ADPRS: variants seen among roughly 807,000 people sequenced by gnomAD.
The protein encoded by ADPRS is ADP-ribosylserine hydrolase.
Under a neutral mutation model 32.1 loss-of-function variants are expected in ADPRS, and 25 were observed. The ratio of observed to expected loss-of-function variants is 0.78; its 90% CI spans 0.57 to 1.09. ADPRS has a LOEUF of 1.09. ADPRS is among the 50% of genes least tolerant of loss of function. The pLI is 0.00. For synonymous variants in ADPRS, 225 were observed against 201.0 expected (o/e 1.12, Z -1.01); for missense variants, 482 against 480.6 (o/e 1.00, Z -0.03).
In ADPRS at chr1:36,091,891, CAGGTCT is replaced by C. The variant is rs1643489147; in HGVS notation, c.517-18_517-13del. The C allele has an allele frequency of 1.3e-6, 2 of 1,592,462 alleles. No homozygotes were observed. The highest frequency in any genetic ancestry group is 1.7e-6 in the Non-Finnish European group (2 of 1,165,690). ...TTCTGCAGCAGGGCTTCTGTGACAGCAGGTCTCCTCCTCCCTAGTTTGCCCGGCTCT... is the reference window on the plus strand; with the variant it reads ...TTCTGCAGCAGGGCTTCTGTGACAGCCCTCCTCCCTAGTTTGCCCGGCTCT... On this transcript the variant is annotated splice_polypyrimidine_tract_variant and intron_variant, in intron 3 of 5. Coordinates refer to ENST00000373178, the MANE Select transcript of ADPRS (RefSeq NM_017825.3).
Position 36,093,420 on chromosome 1 carries a change from C to A in ADPRS, c.*34C>A. The A allele has an allele frequency of 6.3e-7, 1 of 1,587,666 alleles. No homozygotes were observed. The highest frequency in any genetic ancestry group is 1.1e-5 in the South Asian group (1 of 87,988). On this transcript the variant is annotated 3_prime_UTR_variant, in exon 6 of 6. Transcript: ENST00000373178. ...ACAGCTGTTGGGGCTCTGCCAGGTC[C>A]CCTGGGACCAACTACAGCTCCAATC...
chr1:36,089,294 T>C (rs1260210189), intron 1 of ADPRS, among the ~76,000 whole-genome samples, 179 bp downstream of exon 1: 1 of 152,150 alleles, frequency 6.6e-6, no homozygotes, highest in Non-Finnish European at 1.5e-5. Context: ...TCTCCGGCCT[T>C]ATAGACGTCT....
At chr1:36,091,417 G>A (rs1643481895) in intron 2 of ADPRS, 77 bp downstream of exon 2, 2 of 1,437,660 alleles carry the variant, frequency 1.4e-6, no homozygotes, top group Non-Finnish European at 1.9e-6. Context: ...AATGACATTT[G>A]TGCATGTCCA....
chr1:36,091,575 G>A, intron 2 of ADPRS, 43 bp from the exon 3 acceptor site: 1 of 1,522,914 alleles, frequency 6.6e-7, no homozygotes, highest in Non-Finnish European at 8.9e-7. Context: ...ACCCTTAGAG[G>A]CATCTTGTAA....
chr1:36,093,069 C>T (rs1438953847), intron 5 of ADPRS, 28 bp from the exon 6 acceptor site: 2 of 1,601,214 alleles, frequency 1.2e-6, no homozygotes, highest in Non-Finnish European at 1.7e-6. Flanking sequence ...GGGAAGCATG[C>T]AGCCCCTCTA....
Position 36,093,463 on chromosome 1 carries a change from T to C in ADPRS, c.*77T>C. ...CTCCAATCAGAAACCCTGCGCTTCC[T>C]TGAGTGTGGCTTCCCACTTTTCCTG... On this transcript the variant is annotated 3_prime_UTR_variant, in exon 6 of 6. Coordinates refer to ENST00000373178, the MANE Select transcript of ADPRS (RefSeq NM_017825.3). The C allele has an allele frequency of 6.5e-7, 1 of 1,531,568 alleles. No homozygotes were observed. Among genetic ancestry groups the C allele is most frequent in the South Asian group, 1.3e-5 (1 of 79,074 alleles). The allele number at this position is 1,531,568 out of a possible 1,614,324, so 94.9% of individuals were successfully genotyped here.
rs1258035307 is a variant in ADPRS at position 36,091,231 on chromosome 1, C to T, written c.212-13C>T. On this transcript the variant is annotated splice_polypyrimidine_tract_variant and intron_variant, in intron 1 of 5. Coordinates refer to ENST00000373178, the MANE Select transcript of ADPRS (RefSeq NM_017825.3). ...TGAGCAGGAGGCTCTCATCCTCCCT[C>T]CTCTCCCCACAGAAGCCTTGTACTA... 2 of 1,610,920 alleles carry T rather than the reference C, an allele frequency of 1.2e-6. No homozygotes were observed. The highest frequency in any genetic ancestry group is 2.2e-5 in the South Asian group (2 of 90,978).
chr1:36,092,251 C>T (rs1643494625), intron 4 of ADPRS, among the ~76,000 whole-genome samples, 157 bp downstream of exon 4: 1 of 152,128 alleles, frequency 6.6e-6, no homozygotes, highest in Admixed American at 6.5e-5. Context: ...TCTCAGGGTC[C>T]CAGAGAACGA....
In ADPRS at chr1:36,093,672, T is replaced by C; in HGVS notation, c.*286T>C. On this transcript the variant is annotated 3_prime_UTR_variant, in exon 6 of 6. Transcript: ENST00000373178. ...AGGCGGGTTTATTTTGGAGGGGTACTTGTGGCATTTTCCTGTATTGTCTTG... is the reference window on the plus strand; with the variant it reads ...AGGCGGGTTTATTTTGGAGGGGTACCTGTGGCATTTTCCTGTATTGTCTTG... 2.5e-6 allele frequency: 1 copy of C among 407,918 alleles called. No homozygotes were observed. 25.3% of individuals were successfully genotyped at this position (407,918 alleles called of 1,614,324 possible). A position where few individuals can be genotyped will look rare whatever the true frequency, so the allele number is the denominator to read the frequency against.
Position 36,088,898 on chromosome 1 carries a change from C to T in ADPRS, c.-7C>T, listed in dbSNP as rs1438813701. 1 of 1,524,964 alleles carries T rather than the reference C, an allele frequency of 6.6e-7. No individual in the cohort carries two copies. Among genetic ancestry groups the T allele is most frequent in the African/African-American group, 1.4e-5 (1 of 70,978 alleles). 94.5% of individuals were successfully genotyped at this position (1,524,964 alleles called of 1,614,324 possible). A position where few individuals can be genotyped will look rare whatever the true frequency, so the allele number is the denominator to read the frequency against. On this transcript the variant is annotated 5_prime_UTR_variant, in exon 1 of 6. Coordinates refer to ENST00000373178, the MANE Select transcript of ADPRS (RefSeq NM_017825.3). Reference sequence around the variant, plus strand: ...GGCACCGGAAGTGGCGAGCAGTCTGCGCGCGGATGGCCGCAGCGGCGATGG... The same window carrying T: ...GGCACCGGAAGTGGCGAGCAGTCTGTGCGCGGATGGCCGCAGCGGCGATGG...
Position 36,088,929 on chromosome 1 carries a change from G to C in ADPRS, c.25G>C (p.Ala9Pro), listed in dbSNP as rs1330662770. Residue 9 changes from alanine to proline, a missense_variant, in exon 1 of 6, where the codon GCG becomes CCG. Coordinates refer to ENST00000373178, the MANE Select transcript of ADPRS (RefSeq NM_017825.3). MAAAAMAA[A>P]AGGGAGAARS... ...GATGGCCGCAGCGGCGATGGCGGCA[G>C]CGGCAGGTGGAGGGGCTGGCGCGGC... The C allele has an allele frequency of 6.6e-7, 1 of 1,526,204 alleles. No homozygotes were observed. The highest frequency in any genetic ancestry group is 1.2e-5 in the South Asian group (1 of 83,382). The allele number at this position is 1,526,204 out of a possible 1,614,324, so 94.5% of individuals were successfully genotyped here. A position where few individuals can be genotyped will look rare whatever the true frequency, so the allele number is the denominator to read the frequency against.
At position 36,091,742 on chromosome 1, in the gene ADPRS, G is replaced by A. The variant is rs760400413; in HGVS notation, c.433G>A (p.Gly145Arg). ...VFEPARAQFNGKGSYGNGGAM... is the reference protein window; with the variant it reads ...VFEPARAQFNRKGSYGNGGAM... ...TGAGCCTGCCCGGGCCCAGTTTAAC[G>A]GGAAAGGCTCCTATGGCAATGGAGG... Residue 145 changes from glycine (G) to arginine (R), a missense_variant, in exon 3 of 6, where the codon GGG (glycine) becomes AGG (arginine). Transcript: ENST00000373178. The A allele has an allele frequency of 4.1e-5, 66 of 1,613,572 alleles. No homozygotes were observed. In the East Asian group the frequency reaches 5.6e-4, roughly 14 times the overall value.
In ADPRS at chr1:36,089,092, G is replaced by A; in HGVS notation, c.188G>A (p.Gly63Asp). ...RHVQSLEPDPGTPGSERTEAL... is the reference protein window; with the variant it reads ...RHVQSLEPDPDTPGSERTEAL... ...GTCCAGAGTCTGGAGCCGGACCCCG[G>A]CACGCCCGGGAGTGAGCGGACAGGT... Residue 63 changes from glycine to aspartate, a missense_variant, in exon 1 of 6, where the codon GGC becomes GAC. By Grantham distance (94) the Gly-to-Asp change is moderately conservative. Coordinates refer to ENST00000373178, the MANE Select transcript of ADPRS (RefSeq NM_017825.3). The A allele has an allele frequency of 7.0e-7, 1 of 1,430,526 alleles. No individual in the cohort carries two copies. The highest frequency in any genetic ancestry group is 1.5e-5 in the South Asian group (1 of 65,650). The allele number at this position is 1,430,526 out of a possible 1,614,324, so 88.6% of individuals were successfully genotyped here. A position where few individuals can be genotyped will look rare whatever the true frequency, so the allele number is the denominator to read the frequency against.
chr1:36,090,893 A>G (rs1049924992), intron 1 of ADPRS, among the ~76,000 whole-genome samples: 10 of 152,026 alleles, frequency 6.6e-5, no homozygotes, highest in African/African-American at 2.2e-4. Flanking sequence ...GAGCAGGGCC[A>G]GGCACAGTGG....
At position 36,089,069 on chromosome 1, in the gene ADPRS, C is replaced by G. The variant is rs779962601; in HGVS notation, c.165C>G (p.Val55=). 4 of 1,457,770 alleles carry G rather than the reference C, an allele frequency of 2.7e-6. No homozygotes were observed. The highest frequency in any genetic ancestry group is 3.6e-6 in the Non-Finnish European group (4 of 1,108,586). The allele number at this position is 1,457,770 out of a possible 1,614,324, so 90.3% of individuals were successfully genotyped here. A position where few individuals can be genotyped will look rare whatever the true frequency, so the allele number is the denominator to read the frequency against. The part of the protein sequence containing the change: ...TVDLTSVLRH[V]QSLEPDPGTP... ...ACCTGACGTCAGTCCTGCGTCATGT[C>G]CAGAGTCTGGAGCCGGACCCCGGCA... The change falls in exon 1 of 6, where the codon GTC becomes GTG. Residue 55 remains valine, a synonymous_variant. Coordinates refer to ENST00000373178, the MANE Select transcript of ADPRS (RefSeq NM_017825.3).
At chr1:36,090,933 G>C (rs879790588) in intron 1 of ADPRS, among the ~76,000 whole-genome samples, 3 of 152,174 alleles carry the variant, frequency 2.0e-5, no homozygotes, top group Admixed American at 2.0e-4. Context: ...CTCTTTGGGA[G>C]GCCAAGGCAG....
rs1236888084 is a variant in ADPRS at position 36,088,904 on chromosome 1, G to A, written c.-1G>A. On this transcript the variant is annotated 5_prime_UTR_variant, in exon 1 of 6. Coordinates refer to ENST00000373178, the MANE Select transcript of ADPRS (RefSeq NM_017825.3). The stretch of plus-strand genomic sequence containing the variant: ...GGAAGTGGCGAGCAGTCTGCGCGCG[G>A]ATGGCCGCAGCGGCGATGGCGGCAG... 1.9e-5 allele frequency: 29 copies of A among 1,526,380 alleles called. No homozygotes were observed. Among genetic ancestry groups the A allele is most frequent in the Non-Finnish European group, 2.5e-5 (28 of 1,142,608 alleles). 94.6% of individuals were successfully genotyped at this position (1,526,380 alleles called of 1,614,324 possible).
chr1:36,092,997 A>ATC, intron 5 of ADPRS, 100 bp from the exon 6 acceptor site: 1 of 1,298,956 alleles, frequency 7.7e-7, no homozygotes, highest in Non-Finnish European at 1.1e-6. Context: ...AGAGCCTGAG[A>ATC]TCTTAGTCAC....
At chr1:36,089,534 C>T (rs1570009117) in intron 1 of ADPRS, among the ~76,000 whole-genome samples, 1 of 152,326 alleles carries the variant, frequency 6.6e-6, no homozygotes, top group East Asian at 1.9e-4. Context: ...AAGTCGGGGA[C>T]TGTCTGTCCA....
Sources: gnomAD v4.1 joint callset for allele counts (sites outside exome capture counted in the v4.1 genomes callset) on GRCh38, gnomAD v4.1.1 for gene constraint, MANE v1.5 for transcripts, NCBI Gene and HGNC (gene_info 2026-07-23, HGNC 2026-07-21) for gene names.